Variants in SARDH observed in about 807,000 individuals in gnomAD.
SARDH encodes the protein sarcosine dehydrogenase, mitochondrial.
Under a neutral mutation model 109.1 loss-of-function variants are expected in SARDH, and 95 were observed. That is an observed-to-expected ratio of 0.87 (90% CI 0.74 to 1.03). The LOEUF (loss-of-function observed/expected upper bound fraction) is 1.03, where lower values mean the gene tolerates loss of function less well. SARDH is among the 50% of genes least tolerant of loss of function. The pLI is 0.00. For missense variants in SARDH, 1,267 were observed against 1,287.8 expected (o/e 0.98, Z 0.25); for synonymous variants, 572 against 534.8 (o/e 1.07, Z -0.96).
chr9:133,718,829 G>T lies in SARDH; in HGVS notation c.1020+109C>A. ...GGGTCAGGGGACCGGCCACTTCTCA[G>T]GTGTGCCTCTGAGGAGCTTCAGGAG... On this transcript the variant is annotated intron_variant, in intron 7 of 20. Coordinates refer to ENST00000439388, the MANE Select transcript of SARDH (RefSeq NM_001134707.2). This position sits in a 1 kb window ranked among gnomAD's most constrained non-coding sequence, Gnocchi z 4.2. 1.1e-6 allele frequency: 1 copy of T among 907,444 alleles called. No homozygotes were observed. Among genetic ancestry groups the T allele is most frequent in the South Asian group, 1.3e-5 (1 of 76,698 alleles). 56.2% of individuals were successfully genotyped at this position (907,444 alleles called of 1,614,324 possible).
In SARDH at chr9:133,728,150, C is replaced by T. The variant is rs187271021; in HGVS notation, c.915+1615G>A. 6.8e-4 allele frequency among the ~76,000 whole-genome samples: 104 copies of T among 152,322 alleles called. No homozygotes were observed. Among genetic ancestry groups the T allele is most frequent in the African/African-American group, 2.4e-3 (99 of 41,574 alleles). ...GGCACCAGCCACCTGCAGTGAGAGGCTCATTCTATGAACAAGAGGTCTTGT... is the reference window on the plus strand; with the variant it reads ...GGCACCAGCCACCTGCAGTGAGAGGTTCATTCTATGAACAAGAGGTCTTGT... On this transcript the variant is annotated intron_variant, in intron 6 of 20. Transcript: ENST00000439388. The surrounding 1 kb of genome is among the most constrained non-coding windows in gnomAD (Gnocchi z 5.0).
Position 133,730,099 on chromosome 9 carries a change from C to T in SARDH, c.779G>A (p.Gly260Asp), listed in dbSNP as rs147435491. 301 of 1,614,110 alleles carry T rather than the reference C, an allele frequency of 1.9e-4. No individual in the cohort carries two copies. The highest frequency in any genetic ancestry group is 2.5e-4 in the Non-Finnish European group (290 of 1,180,042). The change falls in exon 5 of 21, where the codon GGT becomes GAT. Residue 260 changes from glycine to aspartate, a missense_variant. Transcript: ENST00000439388. ...RRVAGVETQH[G>D]SIQTPCVVNC... Reference sequence around the variant, plus strand: ...GACCACGCAGGGTGTCTGGATGGAACCATGCTGAGTCTCCACACCCGCGAC... The same window carrying T: ...GACCACGCAGGGTGTCTGGATGGAATCATGCTGAGTCTCCACACCCGCGAC...
chr9:133,706,777 G>A (rs1390195095), intron 11 of SARDH, among the ~76,000 whole-genome samples: 8 of 152,134 alleles, frequency 5.3e-5, no homozygotes, highest in Admixed American at 1.3e-4. Context: ...GGCCCCGAGC[G>A]CAGGGCTGAG....
intron 13 of SARDH, among the ~76,000 whole-genome samples, chr9:133,700,361 T>TA (rs920669073): frequency 1.8e-4 from 27 of 148,016 alleles, no homozygotes; most frequent in South Asian, 4.3e-4. Context: ...TTTGAAAAAT[T>TA]AAAAAAAAAA....
chr9:133,706,203 A>AC (rs1203823186), intron 11 of SARDH, among the ~76,000 whole-genome samples: 8 of 152,032 alleles, frequency 5.3e-5, no homozygotes, highest in Non-Finnish European at 1.0e-4. Context: ...AGGGGAGAGA[A>AC]CCCCCGTGGC....
chr9:133,734,803 G>A (rs1222377810), intron 1 of SARDH, among the ~76,000 whole-genome samples: 6 of 152,364 alleles, frequency 3.9e-5, no homozygotes, highest in African/African-American at 1.2e-4. Context: ...CACAGACAGC[G>A]AGAGGCTGGG....
Position 133,718,851 on chromosome 9 carries a change from G to T in SARDH, c.1020+87C>A. ...TCAGGTGTGCCTCTGAGGAGCTTCAGGAGGATGGACTTCCTGAAAGAGGCC... is the reference window on the plus strand; with the variant it reads ...TCAGGTGTGCCTCTGAGGAGCTTCATGAGGATGGACTTCCTGAAAGAGGCC... On this transcript the variant is annotated intron_variant, in intron 7 of 20. Transcript: ENST00000439388. This position sits in a 1 kb window ranked among gnomAD's most constrained non-coding sequence, Gnocchi z 4.2. The T allele has an allele frequency of 9.4e-7, 1 of 1,060,628 alleles. No individual in the cohort carries two copies. Among genetic ancestry groups the T allele is most frequent in the Non-Finnish European group, 1.5e-6 (1 of 678,432 alleles). 65.7% of individuals were successfully genotyped at this position (1,060,628 alleles called of 1,614,324 possible). A position where few individuals can be genotyped will look rare whatever the true frequency, so the allele number is the denominator to read the frequency against.
At position 133,718,645 on chromosome 9, in the gene SARDH, G is replaced by A. The variant is rs1420203490; in HGVS notation, c.1020+293C>T. 1 of 778,902 alleles carries A rather than the reference G, an allele frequency of 1.3e-6. No individual in the cohort carries two copies. The highest frequency in any genetic ancestry group is 1.7e-5 in the African/African-American group (1 of 59,266). The allele number at this position is 778,902 out of a possible 1,614,324, so 48.2% of individuals were successfully genotyped here. The stretch of plus-strand genomic sequence containing the variant: ...GCAGTGTCATTTGCTGAAGGACGTA[G>A]GACTTGTGTGCTCTCATGCCCTTCT... On this transcript the variant is annotated intron_variant, in intron 7 of 20. Transcript: ENST00000439388. The surrounding 1 kb of genome is among the most constrained non-coding windows in gnomAD (Gnocchi z 4.2).
In SARDH at chr9:133,733,924, G is replaced by A. The variant is rs774084737; in HGVS notation, c.250C>T (p.His84Tyr). The A allele has an allele frequency of 1.9e-6, 3 of 1,579,704 alleles. No homozygotes were observed. The South Asian group carries it at 3.5e-5, about 18-fold the overall frequency. Residue 84 changes from histidine to tyrosine, a missense_variant, in exon 2 of 21, where the codon CAC becomes TAC. Transcript: ENST00000439388. ...GGSLGCQTLY[H>Y]LAKLGMSGAV... Reference sequence around the variant, plus strand: ...CCACTCATGCCCAGCTTGGCCAGGTGGTACAGGGTCTGGCAGCCCAAGCTG... The same window carrying A: ...CCACTCATGCCCAGCTTGGCCAGGTAGTACAGGGTCTGGCAGCCCAAGCTG...
intron 8 of SARDH, among the ~76,000 whole-genome samples, chr9:133,714,131 C>T (rs555557328): frequency 6.6e-6 from 1 of 152,348 alleles, no homozygotes; most frequent in East Asian, 1.9e-4. Flanking sequence ...CCCCAGGGCA[C>T]TTCGTTCGTG....
In SARDH at chr9:133,721,166, A is replaced by G. The variant is rs559235228; in HGVS notation, c.916-2124T>C. Reference sequence around the variant, plus strand: ...GATTGAAAATCACGCATTCATATGGAAGGGCCCAAGAGTGCCCACCAAGCC... The same window carrying G: ...GATTGAAAATCACGCATTCATATGGGAGGGCCCAAGAGTGCCCACCAAGCC... On this transcript the variant is annotated intron_variant, in intron 6 of 20. Transcript: ENST00000439388. Among the ~76,000 whole-genome samples, 3 of 152,324 alleles carry G rather than the reference A, an allele frequency of 2.0e-5. No homozygotes were observed. The South Asian group carries it at 6.2e-4, about 32-fold the overall frequency.
chr9:133,698,009 T>TAAAAAAA (rs371381068), intron 13 of SARDH, among the ~76,000 whole-genome samples: 26 of 95,702 alleles, frequency 2.7e-4, no homozygotes, highest in Admixed American at 9.7e-4. Context: ...AGGAATCCAC[T>TAAAAAAA]AAAAAAAAAA....
rs1354677121 is a variant in SARDH at position 133,666,483 on chromosome 9, TCTC to T, written c.2631+249_2631+251del. Reference sequence around the variant, plus strand: ...CCTGCTGAGGCCTCTTCCTCCCCCTTCTCCTTCTCCCTCCCTCCTCCCTCTCCC... The same window carrying T: ...CCTGCTGAGGCCTCTTCCTCCCCCTTCTTCTCCCTCCCTCCTCCCTCTCCC... On this transcript the variant is annotated intron_variant, in intron 20 of 20. Coordinates refer to ENST00000439388, the MANE Select transcript of SARDH (RefSeq NM_001134707.2). The surrounding 1 kb of genome is among the most constrained non-coding windows in gnomAD (Gnocchi z 5.2). 1.3e-5 allele frequency among the ~76,000 whole-genome samples: 2 copies of T among 150,878 alleles called. No individual in the cohort carries two copies. The highest frequency in any genetic ancestry group is 4.9e-5 in the African/African-American group (2 of 41,060).
rs918124049 is a variant in SARDH at position 133,718,383 on chromosome 9, T to A, written c.1020+555A>T. On this transcript the variant is annotated intron_variant, in intron 7 of 20. Coordinates refer to ENST00000439388, the MANE Select transcript of SARDH (RefSeq NM_001134707.2). The surrounding 1 kb of genome is among the most constrained non-coding windows in gnomAD (Gnocchi z 4.2). ...CACCGTGCCCAGCCATTTGTTTGTTTATTGTATGTCTCTCCACCAAAATAT... is the reference window on the plus strand; with the variant it reads ...CACCGTGCCCAGCCATTTGTTTGTTAATTGTATGTCTCTCCACCAAAATAT... The A allele has an allele frequency of 5.8e-6, 2 of 345,444 alleles. No homozygotes were observed. The highest frequency in any genetic ancestry group is 4.2e-5 in the African/African-American group (2 of 47,828). 21.4% of individuals were successfully genotyped at this position (345,444 alleles called of 1,614,324 possible).
chr9:133,683,521 G>C (rs534164935), intron 17 of SARDH, among the ~76,000 whole-genome samples: 2 of 152,320 alleles, frequency 1.3e-5, no homozygotes, highest in Admixed American at 1.3e-4. Context: ...AGGCCGTGTG[G>C]CCTGGATCCA....
intron 12 of SARDH, chr9:133,703,458 A>G (rs775812933): frequency 3.8e-4 from 71 of 188,342 alleles, no homozygotes; most frequent in Non-Finnish European, 7.3e-4. Context: ...AGATGAGGAA[A>G]GTGAGGCGCA....
intron 3 of SARDH, among the ~76,000 whole-genome samples, chr9:133,732,107 G>A (rs564766522): frequency 3.3e-5 from 5 of 152,248 alleles, no homozygotes; most frequent in African/African-American, 9.6e-5. Flanking sequence ...AAGGGGCAGC[G>A]CAAGGGCTGG....
chr9:133,664,008 G>C lies in SARDH; in HGVS notation c.2638C>G (p.Leu880Val). 1 of 1,614,108 alleles carries C rather than the reference G, an allele frequency of 6.2e-7. No individual in the cohort carries two copies. The highest frequency in any genetic ancestry group is 8.5e-7 in the Non-Finnish European group (1 of 1,179,980). ...IHDPSGGPVS[L>V]DFVKSGDYAL... is the part of the protein sequence containing the mutation. ...TAGTCCCCGCTCTTCACAAAGTCCA[G>C]CGAGACCTAGGAGCAGAGGTGGGGA... The change falls in exon 21 of 21, where the codon CTG becomes GTG. Residue 880 changes from leucine to valine, a missense_variant. By Grantham distance (32) the Leu-to-Val change is conservative. Transcript: ENST00000439388.
chr9:133,724,032 T>G (rs952925379), intron 6 of SARDH, among the ~76,000 whole-genome samples: 15 of 152,146 alleles, frequency 9.9e-5, no homozygotes, highest in African/African-American at 3.1e-4. Flanking sequence ...AGTCTTGGGT[T>G]GGGAAATGTC....
Sources: gnomAD v4.1 joint callset for allele counts (sites outside exome capture counted in the v4.1 genomes callset) on GRCh38, gnomAD v4.1.1 for gene constraint, Gnocchi (gnomAD v3.1) non-coding constraint, MANE v1.5 for transcripts, NCBI Gene and HGNC (gene_info 2026-07-23, HGNC 2026-07-21) for gene names.